The following ZMAT4 variants were observed in gnomAD, a reference collection of about 807,000 sequenced individuals.
ZMAT4 encodes the protein zinc finger matrin-type 4.
In ZMAT4, 17 loss-of-function variants were observed where a neutral mutation model predicts 28.7. The observed-to-expected ratio is 0.59, with a 90% CI of 0.41 to 0.89. ZMAT4 has a LOEUF of 0.89. ZMAT4 is among the 40% of genes least tolerant of loss of function. The probability of loss-of-function intolerance (pLI) is 0.00; values close to 1 mark genes in which losing one functional copy is unlikely to be tolerated. For synonymous variants in ZMAT4, 117 were observed against 109.2 expected, an observed-to-expected ratio of 1.07 and a Z score of -0.44; for missense variants, 240 against 283.8, an observed-to-expected ratio of 0.85 and a Z score of 1.11.
chr8:40,563,147 G>C (rs560571687), intron 6 of ZMAT4, among the ~76,000 whole-genome samples: 1 of 152,080 alleles, frequency 6.6e-6, no homozygotes, highest in African/African-American at 2.4e-5. Context: ...AATGTTCTTA[G>C]GCCCCTCAAA....
At chr8:40,600,006 T>C (rs1037896481) in intron 5 of ZMAT4, among the ~76,000 whole-genome samples, 5 of 152,224 alleles carry the variant, frequency 3.3e-5, no homozygotes, top group African/African-American at 9.6e-5. Context: ...TGTGTTGCCA[T>C]GCTTGCATGT....
chr8:40,850,070 C>G (rs935517740), intron 1 of ZMAT4, among the ~76,000 whole-genome samples: 7 of 152,116 alleles, frequency 4.6e-5, no homozygotes, highest in Non-Finnish European at 1.0e-4. Context: ...AGTATGTTAC[C>G]GTCCTCAGGC....
intron 3 of ZMAT4, among the ~76,000 whole-genome samples, chr8:40,719,814 GC>G (rs1156333731): frequency 1.3e-5 from 2 of 151,944 alleles, no homozygotes; most frequent in Non-Finnish European, 2.9e-5. Context: ...CAGGTGATCT[GC>G]CCCCCCTCAG....
intron 2 of ZMAT4, among the ~76,000 whole-genome samples, chr8:40,813,613 G>T (rs555240770): frequency 6.6e-6 from 1 of 152,350 alleles, no homozygotes; most frequent in African/African-American, 2.4e-5. Flanking sequence ...CAAAGGGCTC[G>T]CCATAAGGTT....
intron 4 of ZMAT4, among the ~76,000 whole-genome samples, chr8:40,684,065 T>C (rs528944056): frequency 1.3e-5 from 2 of 148,494 alleles, no homozygotes; most frequent in Non-Finnish European, 1.5e-5. Flanking sequence ...GATCCCGTCT[T>C]AGAAAAAAAA....
intron 3 of ZMAT4, among the ~76,000 whole-genome samples, chr8:40,733,004 C>G (rs1187260612): frequency 6.6e-6 from 1 of 151,874 alleles, no homozygotes; most frequent in African/African-American, 2.4e-5. Context: ...GGCCACCACA[C>G]CAAGCTAATT....
chr8:40,590,244 C>T (rs537302820), intron 5 of ZMAT4, among the ~76,000 whole-genome samples: 1 of 151,294 alleles, frequency 6.6e-6, no homozygotes, highest in Non-Finnish European at 1.5e-5. Context: ...GTTGTCCAGG[C>T]AGTTCTCAAA....
intron 3 of ZMAT4, among the ~76,000 whole-genome samples, chr8:40,746,550 G>C (rs1812244970): frequency 6.6e-6 from 1 of 151,738 alleles, no homozygotes; most frequent in African/African-American, 2.4e-5. Context: ...TTTTAGTAGA[G>C]ACAGGTTTCA....
At chr8:40,780,815 A>G (rs1813795717) in intron 2 of ZMAT4, among the ~76,000 whole-genome samples, 2 of 152,212 alleles carry the variant, frequency 1.3e-5, no homozygotes, top group Non-Finnish European at 2.9e-5. Flanking sequence ...ATAGAGCCAG[A>G]AAAAGCTTTG....
chr8:40,650,173 C>T (rs371556055), intron 5 of ZMAT4, among the ~76,000 whole-genome samples: 13 of 151,954 alleles, frequency 8.6e-5, no homozygotes, highest in East Asian at 1.9e-4. Context: ...ATTGATAGAC[C>T]GCTAGCAAGA....
intron 5 of ZMAT4, among the ~76,000 whole-genome samples, chr8:40,611,733 C>G (rs909234887): frequency 1.3e-5 from 2 of 152,184 alleles, no homozygotes; most frequent in African/African-American, 4.8e-5. Flanking sequence ...GGATTTCCTT[C>G]TGGAGAAAAT....
intron 5 of ZMAT4, among the ~76,000 whole-genome samples, chr8:40,591,803 T>C (rs905452502): frequency 2.0e-5 from 3 of 152,164 alleles, no homozygotes; most frequent in Non-Finnish European, 4.4e-5. Flanking sequence ...GTTGTTATTA[T>C]CACAGTTAAT....
At chr8:40,661,510 A>C (rs1246062484) in intron 5 of ZMAT4, among the ~76,000 whole-genome samples, 2 of 152,242 alleles carry the variant, frequency 1.3e-5, no homozygotes, top group African/African-American at 4.8e-5. Context: ...CTCAGTTCAC[A>C]ATCACTTAGA....
chr8:40,849,585 G>A lies in ZMAT4; in HGVS notation c.-4-23905C>T, dbSNP rs144379798. Among the ~76,000 whole-genome samples, 9 of 152,148 alleles carry A rather than the reference G, an allele frequency of 5.9e-5. No individual in the cohort carries two copies. In the South Asian group the frequency reaches 6.2e-4, roughly 11 times the overall value. On this transcript the variant is annotated intron_variant, in intron 1 of 6. Coordinates refer to ENST00000297737, the MANE Select transcript of ZMAT4 (RefSeq NM_024645.3). Reference sequence around the variant, plus strand: ...TTCTCAGATGTTCTCTTGTTCCTCCGTCACCCACAACATATCCCCAAGAAA... The same window carrying A: ...TTCTCAGATGTTCTCTTGTTCCTCCATCACCCACAACATATCCCCAAGAAA...
intron 4 of ZMAT4, among the ~76,000 whole-genome samples, chr8:40,677,397 A>T (rs754576905): frequency 4.6e-5 from 7 of 152,176 alleles, no homozygotes; most frequent in Non-Finnish European, 7.3e-5. Context: ...AGTAGCATAA[A>T]AACAGCCTTG....
chr8:40,748,155 C>A (rs560528950), intron 3 of ZMAT4, among the ~76,000 whole-genome samples: 1 of 152,246 alleles, frequency 6.6e-6, no homozygotes, highest in East Asian at 1.9e-4. Context: ...ATCAGGAATT[C>A]ACAATAAAAA....
intron 3 of ZMAT4, among the ~76,000 whole-genome samples, chr8:40,718,598 T>C (rs1810952317): frequency 6.6e-6 from 1 of 152,120 alleles, no homozygotes; most frequent in African/African-American, 2.4e-5. Flanking sequence ...CCATGACCCT[T>C]GGGTAGGATT....
chr8:40,605,545 T>A (rs528027128), intron 5 of ZMAT4, among the ~76,000 whole-genome samples: 1 of 152,242 alleles, frequency 6.6e-6, no homozygotes, highest in South Asian at 2.1e-4. Context: ...CCTGAGAGAG[T>A]ACTTATAATT....
At chr8:40,702,893 G>C (rs1010361487) in intron 3 of ZMAT4, among the ~76,000 whole-genome samples, 6 of 152,142 alleles carry the variant, frequency 3.9e-5, no homozygotes, top group Non-Finnish European at 1.5e-5. Flanking sequence ...AAAGAAACAC[G>C]CATAGAGAGT....
Sources: allele counts gnomAD v4.1 joint callset (sites outside exome capture counted in the v4.1 genomes callset), GRCh38; gene constraint gnomAD v4.1.1; transcripts MANE v1.5; gene names NCBI Gene and HGNC (gene_info 2026-07-23, HGNC 2026-07-21).